LRRC4C: variants seen among roughly 807,000 people sequenced by gnomAD.
LRRC4C encodes the protein leucine rich repeat containing 4C.
A neutral mutation model predicts 33.6 loss-of-function variants in LRRC4C; 5 were observed. That is an observed-to-expected ratio of 0.15 (90% CI 0.08 to 0.31). The LOEUF (loss-of-function observed/expected upper bound fraction) is 0.31, where lower values mean the gene tolerates loss of function less well. LRRC4C is among the 10% of genes least tolerant of loss of function. The probability of loss-of-function intolerance (pLI) is 1.00; values close to 1 mark genes in which losing one functional copy is unlikely to be tolerated. For missense variants in LRRC4C, 560 were observed against 796.7 expected (o/e 0.70, Z 3.58); for synonymous variants, 329 against 302.0 (o/e 1.09, Z -0.93).
At position 40,627,201 on chromosome 11, in the gene LRRC4C, C is replaced by A. The variant is rs536454340; in HGVS notation, c.-270+20941G>T. Among the ~76,000 whole-genome samples the A allele has an allele frequency of 2.7e-5, 4 of 147,622 alleles. No individual in the cohort carries two copies. In the South Asian group the frequency reaches 8.7e-4, roughly 32 times the overall value. ...ATCCTAAGGGAAATTATTAAGATAA[C>A]AGTATGACTACCTACCAATATTTCA... On this transcript the variant is annotated intron_variant, in intron 3 of 6. Transcript: ENST00000528697.
At chr11:40,430,215 T>G (rs1316881631) in intron 3 of LRRC4C, among the ~76,000 whole-genome samples, 3 of 134,902 alleles carry the variant, frequency 2.2e-5, no homozygotes, top group Non-Finnish European at 4.7e-5. Context: ...CACTGTGCAG[T>G]AGGGGGGCAC....
intron 3 of LRRC4C, among the ~76,000 whole-genome samples, chr11:40,552,272 G>A (rs1957154084): frequency 1.3e-5 from 2 of 152,186 alleles, no homozygotes; most frequent in African/African-American, 4.8e-5. Flanking sequence ...TCATTAAAGT[G>A]ATCTTTTTGA....
At chr11:40,532,727 G>A (rs532273082) in intron 3 of LRRC4C, among the ~76,000 whole-genome samples, 94 of 152,160 alleles carry the variant, frequency 6.2e-4, no homozygotes, top group African/African-American at 2.2e-3. Context: ...TAGATGGTAA[G>A]AATAAGCATG....
At chr11:40,673,034 GA>G (rs769578157) in intron 2 of LRRC4C, among the ~76,000 whole-genome samples, 8,435 of 141,492 alleles carry the variant, frequency 0.06, 702 homozygotes, top group African/African-American at 0.19. Context: ...TATCTTAAAA[GA>G]AAAAAAAAAA....
intron 5 of LRRC4C, among the ~76,000 whole-genome samples, chr11:40,202,364 C>T (rs149284489): frequency 3.1e-3 from 465 of 151,810 alleles, no homozygotes; most frequent in African/African-American, 0.01. Flanking sequence ...CCCAACTTAT[C>T]CTCTAACCTT....
intron 3 of LRRC4C, among the ~76,000 whole-genome samples, chr11:40,378,782 A>G (rs545748253): frequency 2.6e-5 from 4 of 152,268 alleles, no homozygotes; most frequent in Admixed American, 6.5e-5. Context: ...ACACAAAACT[A>G]TGCTTATACT....
intron 3 of LRRC4C, among the ~76,000 whole-genome samples, chr11:40,603,585 T>C (rs2135824646): frequency 6.6e-6 from 1 of 152,316 alleles, no homozygotes; most frequent in South Asian, 2.1e-4. Context: ...GTAGATGGTG[T>C]ACAGAAATTT....
At chr11:41,410,242 A>C (rs1954411905) in intron 1 of LRRC4C, among the ~76,000 whole-genome samples, 1 of 152,174 alleles carries the variant, frequency 6.6e-6, no homozygotes, top group Non-Finnish European at 1.5e-5. Context: ...ATTCTTGTTC[A>C]GATCACAGGG....
rs189933854 is a variant in LRRC4C at position 41,023,984 on chromosome 11, A to G, written c.-495-90261T>C. 5.3e-3 allele frequency among the ~76,000 whole-genome samples: 803 copies of G among 151,860 alleles called. 3 individuals carry two copies. Among genetic ancestry groups the G allele is most frequent in the Middle Eastern group, 0.014 (4 of 294 alleles). On this transcript the variant is annotated intron_variant, in intron 1 of 6. Transcript: ENST00000528697. ...TTTGTCAGGTGCTTGGCTTGTGTTG[A>G]TATAATCAAACTGGACAAGCAATTA... is the stretch of plus-strand genomic sequence containing the variant.
chr11:40,682,042 T>G (rs192661241), intron 2 of LRRC4C, among the ~76,000 whole-genome samples: 187 of 152,182 alleles, frequency 1.2e-3, no homozygotes, highest in Non-Finnish European at 1.1e-3. Flanking sequence ...AAATCTCCAC[T>G]AAAGAAATTA....
chr11:40,892,802 T>C (rs74234790), intron 2 of LRRC4C, among the ~76,000 whole-genome samples: 11,354 of 152,256 alleles, frequency 0.075, 522 homozygotes, highest in Admixed American at 0.16. Flanking sequence ...TAAGTTATTG[T>C]TTAATGAGTA....
intron 2 of LRRC4C, among the ~76,000 whole-genome samples, chr11:40,873,893 A>G (rs1954763603): frequency 6.6e-6 from 1 of 152,210 alleles, no homozygotes; most frequent in Admixed American, 6.5e-5. Flanking sequence ...CCAAAGCAAT[A>G]CATTTCCCAT....
At chr11:40,175,600 C>G (rs1353954949) in intron 5 of LRRC4C, among the ~76,000 whole-genome samples, 1 of 152,176 alleles carries the variant, frequency 6.6e-6, no homozygotes, top group African/African-American at 2.4e-5. Flanking sequence ...ATGATCTGGA[C>G]ACAAAGATTT....
At chr11:40,801,419 A>T (rs1393011566) in intron 2 of LRRC4C, among the ~76,000 whole-genome samples, 1 of 152,136 alleles carries the variant, frequency 6.6e-6, no homozygotes, top group Non-Finnish European at 1.5e-5. Flanking sequence ...TTGAACTCCA[A>T]TACCACTTTA....
intron 1 of LRRC4C, among the ~76,000 whole-genome samples, chr11:40,937,703 C>T (rs1272222051): frequency 1.3e-5 from 2 of 151,098 alleles, no homozygotes; most frequent in Admixed American, 6.6e-5. Context: ...AGTGAAGTGG[C>T]GTGATCATGG....
intron 1 of LRRC4C, among the ~76,000 whole-genome samples, chr11:41,000,037 A>G (rs934232009): frequency 1.3e-5 from 2 of 152,308 alleles, no homozygotes; most frequent in Non-Finnish European, 2.9e-5. Context: ...ATGGAACAGA[A>G]AAGAGAAGGT....
chr11:40,479,077 C>T (rs139970613), intron 3 of LRRC4C, among the ~76,000 whole-genome samples: 1 of 152,164 alleles, frequency 6.6e-6, no homozygotes, highest in African/African-American at 2.4e-5. Flanking sequence ...GGGGCTTGGA[C>T]TGGAATGTCC....
intron 1 of LRRC4C, among the ~76,000 whole-genome samples, chr11:41,375,926 T>G (rs1217026849): frequency 6.6e-6 from 1 of 151,932 alleles, no homozygotes; most frequent in Non-Finnish European, 1.5e-5. Flanking sequence ...TCACACTAAC[T>G]TGCAAGAGAT....
chr11:40,891,556 G>GA (rs919102656), intron 2 of LRRC4C, among the ~76,000 whole-genome samples: 39 of 151,988 alleles, frequency 2.6e-4, no homozygotes, highest in African/African-American at 9.2e-4. Context: ...AACTCTACAG[G>GA]AAAAAATCTA....
Sources: allele counts gnomAD v4.1 joint callset (sites outside exome capture counted in the v4.1 genomes callset), GRCh38; gene constraint gnomAD v4.1.1; transcripts MANE v1.5; gene names NCBI Gene and HGNC (gene_info 2026-07-23, HGNC 2026-07-21).